The following SUPT3H variants were observed in gnomAD, a reference collection of about 807,000 sequenced individuals.
SUPT3H encodes transcription initiation protein SPT3 homolog.
Under a neutral mutation model 44.3 loss-of-function variants are expected in SUPT3H, and 44 were observed. The observed-to-expected ratio is 0.99, with a 90% CI of 0.78 to 1.28. The LOEUF (loss-of-function observed/expected upper bound fraction) is 1.28. Ranked by LOEUF, SUPT3H falls within the 50% of genes most tolerant of loss-of-function variation. The pLI is 0.00. For synonymous variants in SUPT3H, 124 were observed against 125.6 expected (o/e 0.99, Z 0.09); for missense variants, 380 against 387.1 (o/e 0.98, Z 0.15).
chr6:45,069,733 A>G (rs74372433), intron 3 of SUPT3H, among the ~76,000 whole-genome samples: 2 of 152,156 alleles, frequency 1.3e-5, no homozygotes, highest in East Asian at 3.8e-4. Context: ...CAACAAAATT[A>G]TATTTTGCAG....
intron 7 of SUPT3H, among the ~76,000 whole-genome samples, chr6:44,956,387 G>C (rs1400597836): frequency 2.0e-5 from 3 of 147,580 alleles, no homozygotes; most frequent in African/African-American, 7.5e-5. Flanking sequence ...GTGAGGCTGA[G>C]GCAGGAGAAT....
At position 45,328,760 on chromosome 6, in the gene SUPT3H, C is replaced by T. The variant is rs779487649; in HGVS notation, c.101+36441G>A. 14 of 1,612,032 alleles carry T rather than the reference C, an allele frequency of 8.7e-6. No individual in the cohort carries two copies. The highest frequency in any genetic ancestry group is 1.2e-5 in the Non-Finnish European group (14 of 1,178,682). Reference sequence around the variant, plus strand: ...AAACAGCCTCTTCAGCACAGTGACACCATGTCAGCAAAACTTCTTTTGGGG... The same window carrying T: ...AAACAGCCTCTTCAGCACAGTGACATCATGTCAGCAAAACTTCTTTTGGGG... On this transcript the variant is annotated intron_variant, in intron 2 of 10. Coordinates refer to ENST00000371459, the MANE Select transcript of SUPT3H (RefSeq NM_003599.4).
chr6:45,059,817 C>T (rs1791696236), intron 3 of SUPT3H, among the ~76,000 whole-genome samples: 1 of 151,814 alleles, frequency 6.6e-6, no homozygotes, highest in Non-Finnish European at 1.5e-5. Context: ...AAGCAGAGAG[C>T]CAAATCATAA....
intron 2 of SUPT3H, among the ~76,000 whole-genome samples, chr6:45,153,920 A>G (rs1057026277): frequency 6.6e-6 from 1 of 151,996 alleles, no homozygotes; most frequent in African/African-American, 2.4e-5. Flanking sequence ...ATGCAAAAAA[A>G]TTAGCCAGGC....
At position 45,229,600 on chromosome 6, in the gene SUPT3H, G is replaced by T. The variant is rs147553666; in HGVS notation, c.102-123594C>A. Among the ~76,000 whole-genome samples the T allele has an allele frequency of 3.9e-3, 592 of 152,088 alleles. 1 individual carries two copies. Among genetic ancestry groups the T allele is most frequent in the African/African-American group, 0.012 (515 of 41,502 alleles). ...ACATTTTACAGATGAGAAAACTGAGGCCCAAAGATAACAACTATTCCGAGA... is the reference window on the plus strand; with the variant it reads ...ACATTTTACAGATGAGAAAACTGAGTCCCAAAGATAACAACTATTCCGAGA... On this transcript the variant is annotated intron_variant, in intron 2 of 10. Coordinates refer to ENST00000371459, the MANE Select transcript of SUPT3H (RefSeq NM_003599.4).
intron 2 of SUPT3H, among the ~76,000 whole-genome samples, chr6:45,137,997 A>G (rs1400533925): frequency 6.6e-6 from 1 of 152,152 alleles, no homozygotes; most frequent in Non-Finnish European, 1.5e-5. Flanking sequence ...GAATATAAAA[A>G]GAACACATAA....
intron 2 of SUPT3H, among the ~76,000 whole-genome samples, chr6:45,226,210 A>G (rs1354222950): frequency 2.0e-5 from 3 of 152,124 alleles, no homozygotes; most frequent in Non-Finnish European, 4.4e-5. Context: ...TTAAAACTCT[A>G]AGTTTTATTT....
At chr6:45,171,589 C>T (rs1190527207) in intron 2 of SUPT3H, among the ~76,000 whole-genome samples, 1 of 151,966 alleles carries the variant, frequency 6.6e-6, no homozygotes, top group Non-Finnish European at 1.5e-5. Context: ...AACAGTGAGT[C>T]ACTTCAAGAC....
intron 2 of SUPT3H, among the ~76,000 whole-genome samples, chr6:45,202,990 A>G (rs1400233319): frequency 6.6e-6 from 1 of 152,186 alleles, no homozygotes; most frequent in Non-Finnish European, 1.5e-5. Flanking sequence ...TATAGATTAT[A>G]CACAAATACT....
At chr6:45,199,537 C>T (rs772715108) in intron 2 of SUPT3H, among the ~76,000 whole-genome samples, 4 of 151,180 alleles carry the variant, frequency 2.6e-5, no homozygotes, top group African/African-American at 9.7e-5. Flanking sequence ...AAAAATACTT[C>T]GTCATCCAAA....
chr6:44,986,757 T>C (rs1779851086), intron 6 of SUPT3H, among the ~76,000 whole-genome samples: 2 of 152,148 alleles, frequency 1.3e-5, no homozygotes, highest in Admixed American at 1.3e-4. Context: ...TTACACTCTG[T>C]TCAGGGTACC....
intron 2 of SUPT3H, among the ~76,000 whole-genome samples, chr6:45,336,043 T>C (rs1398966126): frequency 6.6e-6 from 1 of 151,342 alleles, no homozygotes; most frequent in Non-Finnish European, 1.5e-5. Context: ...TTTTGATCAT[T>C]AATCCAACCT....
chr6:44,948,651 C>T (rs1363430126), intron 9 of SUPT3H, among the ~76,000 whole-genome samples: 1 of 152,228 alleles, frequency 6.6e-6, no homozygotes, highest in African/African-American at 2.4e-5. Context: ...TGCTCATCAT[C>T]ACTGGCCATC....
rs560533259 is a variant in SUPT3H at position 45,013,095 on chromosome 6, A to G, written c.364+1706T>C. On this transcript the variant is annotated intron_variant, in intron 5 of 10. Coordinates refer to ENST00000371459, the MANE Select transcript of SUPT3H (RefSeq NM_003599.4). The stretch of plus-strand genomic sequence containing the variant: ...TGTTTGCTCCACTGTTTCTGATAAT[A>G]CCCTTGGGCATAAATTGCTCCAGAG... Among the ~76,000 whole-genome samples the G allele has an allele frequency of 7.2e-5, 11 of 152,108 alleles. No individual in the cohort carries two copies. In the South Asian group the frequency reaches 2.3e-3, roughly 32 times the overall value.
chr6:45,281,409 C>A (rs1201300292), intron 2 of SUPT3H, among the ~76,000 whole-genome samples: 1 of 152,176 alleles, frequency 6.6e-6, no homozygotes, highest in African/African-American at 2.4e-5. Context: ...TGCGCTTTTC[C>A]AATGGTCTTA....
At chr6:44,911,477 C>T (rs1488582458) in intron 10 of SUPT3H, among the ~76,000 whole-genome samples, 2 of 152,090 alleles carry the variant, frequency 1.3e-5, no homozygotes, top group African/African-American at 4.8e-5. Context: ...GGAATTTATG[C>T]CAAAATTCTG....
chr6:44,881,035 G>C (rs1343136582), intron 10 of SUPT3H, among the ~76,000 whole-genome samples: 1 of 152,064 alleles, frequency 6.6e-6, no homozygotes, highest in African/African-American at 2.4e-5. Context: ...ATAATGACCA[G>C]ATCAAATTCA....
At chr6:45,214,240 C>T (rs919540522) in intron 2 of SUPT3H, among the ~76,000 whole-genome samples, 1 of 151,642 alleles carries the variant, frequency 6.6e-6, no homozygotes, top group Non-Finnish European at 1.5e-5. Flanking sequence ...ATTCTCAATC[C>T]ATGCTGAGAA....
chr6:45,029,057 C>A (rs894979971), intron 3 of SUPT3H, among the ~76,000 whole-genome samples: 44 of 151,814 alleles, frequency 2.9e-4, no homozygotes, highest in Non-Finnish European at 1.2e-4. Context: ...GAATACTCTA[C>A]ATTTAAGGTA....
Sources: allele counts gnomAD v4.1 joint callset (sites outside exome capture counted in the v4.1 genomes callset), GRCh38; gene constraint gnomAD v4.1.1; transcripts MANE v1.5; gene names NCBI Gene and HGNC (gene_info 2026-07-23, HGNC 2026-07-21).